Variants in SAPCD2 observed in about 807,000 individuals in gnomAD.
SAPCD2 encodes the protein suppressor APC domain-containing protein 2.
Under a neutral mutation model 37.8 loss-of-function variants are expected in SAPCD2, and 34 were observed. The ratio of observed to expected loss-of-function variants is 0.90; its 90% CI spans 0.68 to 1.20. The LOEUF is 1.20. Among genes scored for constraint, SAPCD2 ranks in the 50% most tolerant of loss-of-function variants. SAPCD2 has a pLI of 0.00. For synonymous variants in SAPCD2, 275 were observed against 270.3 expected (o/e 1.02, Z -0.17); for missense variants, 572 against 584.7 (o/e 0.98, Z 0.22).
At position 137,063,622 on chromosome 9, in the gene SAPCD2, G is replaced by A. The variant is rs1184348929; in HGVS notation, c.*1037C>T. On this transcript the variant is annotated 3_prime_UTR_variant, in exon 6 of 6. Transcript: ENST00000409687. ...GTTCTGGTGACACTGGGACCCTCCA[G>A]GTTGGGCTGAGCAGGGCCCCCCCAC... The A allele has an allele frequency of 6.6e-6, 1 of 152,336 alleles. No homozygotes were observed. Among genetic ancestry groups the A allele is most frequent in the Non-Finnish European group, 1.5e-5 (1 of 68,130 alleles). The allele number at this position is 152,336 out of a possible 1,614,324, so 9.4% of individuals were successfully genotyped here.
chr9:137,063,406 G>A lies in SAPCD2; in HGVS notation c.*1253C>T, dbSNP rs1156909872. 1 of 152,232 alleles carries A rather than the reference G, an allele frequency of 6.6e-6. No homozygotes were observed. The highest frequency in any genetic ancestry group is 1.5e-5 in the Non-Finnish European group (1 of 68,102). The allele number at this position is 152,232 out of a possible 1,614,324, so 9.4% of individuals were successfully genotyped here. On this transcript the variant is annotated 3_prime_UTR_variant, in exon 6 of 6. Transcript: ENST00000409687. ...CCTCCTCTGAGACAGGTGCCTTGTG[G>A]GACAGTGTACCAAAGTGCCCTGGAC...
At chr9:137,068,253 G>C (rs1214571024) in intron 1 of SAPCD2, among the ~76,000 whole-genome samples, 1 of 152,216 alleles carries the variant, frequency 6.6e-6, no homozygotes. Context: ...GGAGCAGAGA[G>C]GGTACAGACA....
At position 137,070,168 on chromosome 9, in the gene SAPCD2, G is replaced by C; in HGVS notation, c.293C>G (p.Ala98Gly). Residue 98 changes from alanine to glycine, a missense_variant, in exon 1 of 6, where the codon GCC becomes GGC. Physicochemically the swap from Ala to Gly is moderately conservative, Grantham distance 60. Transcript: ENST00000409687. ...VAGLRTSLLS[A>G]DGGPRDPTRA... Reference sequence around the variant, plus strand: ...CGTGGGGTCCCGGGGGCCGCCGTCGGCGCTCAGCAGGGAGGTGCGCAGGCC... The same window carrying C: ...CGTGGGGTCCCGGGGGCCGCCGTCGCCGCTCAGCAGGGAGGTGCGCAGGCC... 8.0e-7 allele frequency: 1 copy of C among 1,243,132 alleles called. No homozygotes were observed. Among genetic ancestry groups the C allele is most frequent in the Non-Finnish European group, 1.0e-6 (1 of 992,470 alleles). The allele number at this position is 1,243,132 out of a possible 1,614,324, so 77.0% of individuals were successfully genotyped here.
In SAPCD2 at chr9:137,065,600, C is replaced by G. The variant is rs1832533820; in HGVS notation, c.753G>C (p.Arg251=). 1.2e-6 allele frequency: 2 copies of G among 1,611,086 alleles called. No homozygotes were observed. Among genetic ancestry groups the G allele is most frequent in the Non-Finnish European group, 1.7e-6 (2 of 1,178,476 alleles). The change falls in exon 3 of 6, where the codon CGG becomes CGC. Residue 251 remains arginine (R), a synonymous_variant. Coordinates refer to ENST00000409687, the MANE Select transcript of SAPCD2 (RefSeq NM_178448.4). ...GCTGCTGCTGGTACCAGTCGCGGCC[C>G]CGCGCCATCATCTCCAAACCCTGCA... ...VLLQGLEMMA[R]GRDWYQQQLQ...
At position 137,064,883 on chromosome 9, in the gene SAPCD2, G is replaced by A; in HGVS notation, c.1036C>T (p.Gln346Ter). 6.4e-7 allele frequency: 1 copy of A among 1,563,176 alleles called. No homozygotes were observed. Among genetic ancestry groups the A allele is most frequent in the Non-Finnish European group, 8.7e-7 (1 of 1,153,980 alleles). ...QQQTILMLKEQNRLLTQEVTE... is the reference protein window; with the variant it reads ...QQQTILMLKE ...CCTACCTGGGTGAGGAGTCGGTTCT[G>A]CTCCTTCAGCATGAGGATGGTCTGC... The change falls in exon 5 of 6, where the codon CAG (glutamine) becomes TAG (stop). Residue 346 changes from glutamine (Q) to a stop codon, truncating the protein, a stop_gained. Transcript: ENST00000409687. LOFTEE classifies it high-confidence loss of function.
chr9:137,067,677 A>G (rs780354289), intron 1 of SAPCD2, among the ~76,000 whole-genome samples: 8 of 146,912 alleles, frequency 5.4e-5, no homozygotes, highest in Non-Finnish European at 1.0e-4. Flanking sequence ...GGGAGGCTGA[A>G]GCAGGAGGAT....
At chr9:137,066,754 G>A (rs1431421221) in intron 1 of SAPCD2, among the ~76,000 whole-genome samples, 2 of 152,206 alleles carry the variant, frequency 1.3e-5, no homozygotes, top group Admixed American at 1.3e-4. Context: ...GGGGGTTCTG[G>A]TCCTGACTAC....
rs958121799 is a variant in SAPCD2 at position 137,070,471 on chromosome 9, G to A, written c.-11C>T. 1 of 1,221,052 alleles carries A rather than the reference G, an allele frequency of 8.2e-7. No homozygotes were observed. The highest frequency in any genetic ancestry group is 1.0e-6 in the Non-Finnish European group (1 of 981,446). 75.6% of individuals were successfully genotyped at this position (1,221,052 alleles called of 1,614,324 possible). On this transcript the variant is annotated 5_prime_UTR_variant, in exon 1 of 6. Transcript: ENST00000409687. The stretch of plus-strand genomic sequence containing the variant: ...GGCGGCCCCGGCCATGGGCGCCCGG[G>A]ATCGGTCCCCTCGTCCACCCGCGTG...
chr9:137,065,411 A>C, intron 3 of SAPCD2, 111 bp downstream of exon 3: 1 of 1,319,090 alleles, frequency 7.6e-7, no homozygotes, highest in Non-Finnish European at 1.0e-6. Context: ...TCCTGGGTGG[A>C]ATCGACAGCC....
Position 137,070,036 on chromosome 9 carries a change from A to G in SAPCD2, c.425T>C (p.Leu142Pro). The G allele has an allele frequency of 8.3e-7, 1 of 1,200,292 alleles. No homozygotes were observed. Among genetic ancestry groups the G allele is most frequent in the Non-Finnish European group, 1.0e-6 (1 of 967,556 alleles). 74.4% of individuals were successfully genotyped at this position (1,200,292 alleles called of 1,614,324 possible). The change falls in exon 1 of 6, where the codon CTG (leucine) becomes CCG (proline). Residue 142 changes from leucine (L) to proline (P), a missense_variant. By Grantham distance (98) the Leu-to-Pro change is moderately conservative. Coordinates refer to ENST00000409687, the MANE Select transcript of SAPCD2 (RefSeq NM_178448.4). ...RTVLERKPLPLGVRAPLAGPS... is the reference protein window; with the variant it reads ...RTVLERKPLPPGVRAPLAGPS... ...ACCGGCCAGAGGGGCGCGCACGCCCAGGGGCAGGGGCTTCCTCTCCAGGAC... is the reference window on the plus strand; with the variant it reads ...ACCGGCCAGAGGGGCGCGCACGCCCGGGGGCAGGGGCTTCCTCTCCAGGAC...
chr9:137,064,657 G>T lies in SAPCD2; in HGVS notation c.*2C>A. On this transcript the variant is annotated 3_prime_UTR_variant, in exon 6 of 6. Coordinates refer to ENST00000409687, the MANE Select transcript of SAPCD2 (RefSeq NM_178448.4). Reference sequence around the variant, plus strand: ...CCTGGGGGCCCACGCGGCCCACAAGGACTAGATGAAGGTGGAATCCAGAGG... The same window carrying T: ...CCTGGGGGCCCACGCGGCCCACAAGTACTAGATGAAGGTGGAATCCAGAGG... The T allele has an allele frequency of 1.3e-6, 2 of 1,597,142 alleles. 1 individual carries two copies. Among genetic ancestry groups the T allele is most frequent in the South Asian group, 2.3e-5 (2 of 88,666 alleles).
chr9:137,070,108 G>A lies in SAPCD2; in HGVS notation c.353C>T (p.Pro118Leu). The A allele has an allele frequency of 8.4e-7, 1 of 1,190,098 alleles. No homozygotes were observed. The highest frequency in any genetic ancestry group is 1.0e-6 in the Non-Finnish European group (1 of 962,012). 73.7% of individuals were successfully genotyped at this position (1,190,098 alleles called of 1,614,324 possible). A position where few individuals can be genotyped will look rare whatever the true frequency, so the allele number is the denominator to read the frequency against. Residue 118 changes from proline (P) to leucine (L), a missense_variant, in exon 1 of 6, where the codon CCG becomes CTG. Transcript: ENST00000409687. ...APARPGDQPPPPPQRLVFAPA... is the reference protein window; with the variant it reads ...APARPGDQPPLPPQRLVFAPA... ...AGCGAACACCAGGCGCTGCGGCGGC[G>A]GCGGCGGCTGATCCCCGGGCCGGGC...
At position 137,065,550 on chromosome 9, in the gene SAPCD2, C is replaced by T. The variant is rs575301571; in HGVS notation, c.803G>A (p.Arg268His). 2.8e-5 allele frequency: 45 copies of T among 1,606,324 alleles called. No individual in the cohort carries two copies. The highest frequency in any genetic ancestry group is 3.8e-4 in the Middle Eastern group (2 of 5,294). The change falls in exon 3 of 6, where the codon CGC (arginine) becomes CAC (histidine). Residue 268 changes from arginine to histidine, a missense_variant. Physicochemically the swap from Arg to His is conservative, Grantham distance 29. Coordinates refer to ENST00000409687, the MANE Select transcript of SAPCD2 (RefSeq NM_178448.4). ...QQLQRVQERQRRLGQSRASAD... is the reference protein window; with the variant it reads ...QQLQRVQERQHRLGQSRASAD... ...GCTGGCTCTGCTCTGGCCCAGGCGG[C>T]GCTGGCGCTCCTGCACTCGTTGCAG...
At position 137,070,229 on chromosome 9, in the gene SAPCD2, C is replaced by A; in HGVS notation, c.232G>T (p.Ala78Ser). The change falls in exon 1 of 6, where the codon GCC becomes TCC. Residue 78 changes from alanine to serine, a missense_variant. By Grantham distance (99) the Ala-to-Ser change is moderately conservative (BLOSUM62 1). Transcript: ENST00000409687. The part of the protein sequence containing the change: ...VLEGLRQVAP[A>S]SGYLTFERFV... Reference sequence around the variant, plus strand: ...CGCTCGAAGGTCAGGTAGCCGCTGGCCGGGGCCACCTGGCGCAAGCCCTCC... The same window carrying A: ...CGCTCGAAGGTCAGGTAGCCGCTGGACGGGGCCACCTGGCGCAAGCCCTCC... 7.1e-7 allele frequency: 1 copy of A among 1,412,066 alleles called. No homozygotes were observed. The highest frequency in any genetic ancestry group is 1.5e-5 in the African/African-American group (1 of 67,066). The allele number at this position is 1,412,066 out of a possible 1,614,324, so 87.5% of individuals were successfully genotyped here.
At position 137,064,092 on chromosome 9, in the gene SAPCD2, G is replaced by A. The variant is rs528178419; in HGVS notation, c.*567C>T. 8 of 169,260 alleles carry A rather than the reference G, an allele frequency of 4.7e-5. No individual in the cohort carries two copies. In the South Asian group the frequency reaches 5.3e-4, roughly 11 times the overall value. The allele number at this position is 169,260 out of a possible 1,614,324, so 10.5% of individuals were successfully genotyped here. ...CAGCCTTGGCCAGAACCTGAAGTCC[G>A]ACCGCTATCCCTGGGGCTCCCCAGC... is the stretch of plus-strand genomic sequence containing the variant. On this transcript the variant is annotated 3_prime_UTR_variant, in exon 6 of 6. Coordinates refer to ENST00000409687, the MANE Select transcript of SAPCD2 (RefSeq NM_178448.4).
At chr9:137,066,167 T>C (rs867749261) in intron 2 of SAPCD2, 95 bp downstream of exon 2, 1 of 960,514 alleles carries the variant, frequency 1.0e-6, no homozygotes, top group Middle Eastern at 3.1e-4. Context: ...ACTTCCGCCA[T>C]GGACTCCCCC....
rs1470256812 is a variant in SAPCD2, at chr9:137,062,457, C to T, written c.*2202G>A. On this transcript the variant is annotated 3_prime_UTR_variant, in exon 6 of 6. Transcript: ENST00000409687. ...CCTTGGAACTTGATCAACACAAAAT[C>T]CTGAGGCCTGGTGTGGGTGTGTTCC... 1.3e-5 allele frequency: 2 copies of T among 152,182 alleles called. No homozygotes were observed. The highest frequency in any genetic ancestry group is 2.9e-5 in the Non-Finnish European group (2 of 68,030). The allele number at this position is 152,182 out of a possible 1,614,324, so 9.4% of individuals were successfully genotyped here.
chr9:137,065,816 C>T lies in SAPCD2; in HGVS notation c.685-148G>A, dbSNP rs554232807. ...ACGTTTGCAAACACCCACGGACGCA[C>T]GCTTCTGCTGACACCTGCATGTGTG... On this transcript the variant is annotated intron_variant, in intron 2 of 5. Transcript: ENST00000409687. 5.0e-5 allele frequency: 49 copies of T among 982,548 alleles called. 3 individuals carry two copies. In the South Asian group the frequency reaches 5.9e-4, roughly 12 times the overall value. The allele number at this position is 982,548 out of a possible 1,614,324, so 60.9% of individuals were successfully genotyped here.
At chr9:137,064,842 C>G (rs1212651915) in intron 5 of SAPCD2, 21 bp downstream of exon 5, 1 of 1,571,170 alleles carries the variant, frequency 6.4e-7, no homozygotes, top group Non-Finnish European at 8.6e-7. Flanking sequence ...CACCCCTGCA[C>G]CCCTCCCGCG....
Sources: allele counts gnomAD v4.1 joint callset (sites outside exome capture counted in the v4.1 genomes callset), GRCh38; gene constraint gnomAD v4.1.1; transcripts MANE v1.5; gene names NCBI Gene and HGNC (gene_info 2026-07-23, HGNC 2026-07-21).